The following PSD3 variants were observed in gnomAD, a reference collection of about 807,000 sequenced individuals.
The protein encoded by PSD3 is pleckstrin and Sec7 domain containing 3.
In PSD3, 49 loss-of-function variants were observed where a neutral mutation model predicts 105.5. That is an observed-to-expected ratio of 0.46 (90% CI 0.37 to 0.59). The LOEUF (loss-of-function observed/expected upper bound fraction) is 0.59, where lower values mean the gene tolerates loss of function less well. Among genes scored for constraint, PSD3 ranks in the 20% least tolerant of loss-of-function variants. PSD3 has a pLI of 0.00. For synonymous variants in PSD3, 557 were observed against 457.8 expected (o/e 1.22, Z -2.77); for missense variants, 1,561 against 1,263.8 (o/e 1.24, Z -3.57).
chr8:18,924,317 A>G (rs554845330), intron 2 of PSD3, among the ~76,000 whole-genome samples: 1 of 152,362 alleles, frequency 6.6e-6, no homozygotes, highest in Non-Finnish European at 1.5e-5. Context: ...GCCAAGGAAT[A>G]GTGAGCAAGT....
intron 8 of PSD3, among the ~76,000 whole-genome samples, chr8:18,789,162 G>C (rs1809465982): frequency 6.6e-6 from 1 of 152,160 alleles, no homozygotes; most frequent in Admixed American, 6.5e-5. Flanking sequence ...CAGCACAGTG[G>C]TTCTCAAAGC....
intron 1 of PSD3, among the ~76,000 whole-genome samples, chr8:19,006,988 C>T (rs1351435240): frequency 1.3e-5 from 2 of 152,082 alleles, no homozygotes; most frequent in Admixed American, 1.3e-4. Flanking sequence ...GGCCCAGTGG[C>T]TCACACCTGT....
At chr8:18,951,967 C>T (rs1823265925) in intron 1 of PSD3, among the ~76,000 whole-genome samples, 1 of 152,016 alleles carries the variant, frequency 6.6e-6, no homozygotes, top group South Asian at 2.1e-4. Flanking sequence ...AAAACTCTGT[C>T]TCAAAAAAGA....
intron 2 of PSD3, among the ~76,000 whole-genome samples, chr8:18,932,935 C>T (rs1821837421): frequency 6.6e-6 from 1 of 152,248 alleles, no homozygotes. Flanking sequence ...ATGAAGTTAT[C>T]ACCAGACAAA....
At chr8:18,820,604 G>T (rs1454145371) in intron 4 of PSD3, among the ~76,000 whole-genome samples, 2 of 151,878 alleles carry the variant, frequency 1.3e-5, no homozygotes, top group African/African-American at 2.4e-5. Flanking sequence ...GGGGAATAAT[G>T]ACAAGAAAAA....
intron 2 of PSD3, among the ~76,000 whole-genome samples, chr8:18,922,607 G>A (rs989187722): frequency 7.9e-5 from 12 of 152,164 alleles, no homozygotes; most frequent in Middle Eastern, 3.4e-3. Context: ...TATCTAACTC[G>A]AGACAGTATT....
At chr8:18,840,905 C>T (rs1814566687) in intron 4 of PSD3, among the ~76,000 whole-genome samples, 1 of 152,112 alleles carries the variant, frequency 6.6e-6, no homozygotes, top group Admixed American at 6.5e-5. Flanking sequence ...GTCTTACTTC[C>T]TCGAGATCAG....
chr8:19,005,896 A>G (rs996916723), intron 1 of PSD3, among the ~76,000 whole-genome samples: 1 of 151,946 alleles, frequency 6.6e-6, no homozygotes, highest in Non-Finnish European at 1.5e-5. Flanking sequence ...AAATGGGTGA[A>G]TCGTATAGTA....
intron 1 of PSD3, among the ~76,000 whole-genome samples, chr8:19,042,491 A>G (rs921026530): frequency 6.6e-6 from 1 of 152,260 alleles, no homozygotes; most frequent in African/African-American, 2.4e-5. Context: ...TGAAATATCA[A>G]AAAACTTACA....
chr8:18,700,098 T>C (rs1801492364), intron 9 of PSD3, among the ~76,000 whole-genome samples: 1 of 152,216 alleles, frequency 6.6e-6, no homozygotes, highest in African/African-American at 2.4e-5. Context: ...TATTTTCATT[T>C]TCCTAGGCCA....
chr8:18,961,962 T>C (rs1300333441), intron 1 of PSD3, among the ~76,000 whole-genome samples: 2 of 152,046 alleles, frequency 1.3e-5, no homozygotes, highest in African/African-American at 4.8e-5. Flanking sequence ...GCTTTCACTT[T>C]GCAAAAATTT....
At chr8:18,923,550 G>A (rs935156815) in intron 2 of PSD3, among the ~76,000 whole-genome samples, 2 of 152,108 alleles carry the variant, frequency 1.3e-5, no homozygotes, top group African/African-American at 4.8e-5. Context: ...TCTATGTTTA[G>A]ACATACAAAG....
chr8:18,767,424 T>A (rs920279891), intron 8 of PSD3, among the ~76,000 whole-genome samples: 5 of 152,102 alleles, frequency 3.3e-5, no homozygotes, highest in African/African-American at 1.2e-4. Flanking sequence ...CAAAATGTAG[T>A]CCAAGTGAAT....
rs1212827085 is a variant in PSD3, at chr8:18,535,381, A to C, written c.*362T>G. 11 of 217,270 alleles carry C rather than the reference A, an allele frequency of 5.1e-5. No homozygotes were observed. The highest frequency in any genetic ancestry group is 9.4e-5 in the Non-Finnish European group (10 of 106,806). 13.5% of individuals were successfully genotyped at this position (217,270 alleles called of 1,614,324 possible). ...CCAGTTAAGTGTTTCACAATGGATT[A>C]AATTCTTTAACCTTAAAAAAAAGTT... On this transcript the variant is annotated 3_prime_UTR_variant, in exon 16 of 16. Transcript: ENST00000327040.
At chr8:18,932,132 T>C (rs1333672672) in intron 2 of PSD3, among the ~76,000 whole-genome samples, 1 of 152,252 alleles carries the variant, frequency 6.6e-6, no homozygotes, top group Non-Finnish European at 1.5e-5. Context: ...TGCCAAACCC[T>C]GAGCTGTGTA....
At chr8:18,742,997 T>G (rs1009566301) in intron 9 of PSD3, among the ~76,000 whole-genome samples, 25 of 152,350 alleles carry the variant, frequency 1.6e-4, no homozygotes, top group African/African-American at 6.0e-4. Context: ...ACAAGTCATA[T>G]GACCTTGGAC....
At chr8:18,683,668 G>C (rs571045933) in intron 9 of PSD3, 1 of 666,326 alleles carries the variant, frequency 1.5e-6, no homozygotes, top group Non-Finnish European at 2.7e-6. Context: ...TATACTCCTC[G>C]TTACTTTCTC....
At chr8:19,083,380 T>C (rs1829703713) in intron 1 of PSD3, among the ~76,000 whole-genome samples, 2 of 152,054 alleles carry the variant, frequency 1.3e-5, no homozygotes, top group African/African-American at 4.8e-5. Flanking sequence ...GAGTGTGAGA[T>C]GCTAACAACA....
intron 2 of PSD3, among the ~76,000 whole-genome samples, chr8:18,918,680 T>A (rs1246080113): frequency 6.6e-6 from 1 of 152,226 alleles, no homozygotes; most frequent in Non-Finnish European, 1.5e-5. Context: ...TCCAACTGTG[T>A]TCCAATAACA....
Sources: gnomAD v4.1 joint callset for allele counts (sites outside exome capture counted in the v4.1 genomes callset) on GRCh38, gnomAD v4.1.1 for gene constraint, MANE v1.5 for transcripts, NCBI Gene and HGNC (gene_info 2026-07-23, HGNC 2026-07-21) for gene names.